Variants in RABGAP1L observed in about 807,000 individuals in gnomAD.
The protein encoded by RABGAP1L is rab GTPase-activating protein 1-like.
In RABGAP1L, 63 loss-of-function variants were observed where a neutral mutation model predicts 137.7. The ratio of observed to expected loss-of-function variants is 0.46; its 90% confidence interval spans 0.37 to 0.56. The LOEUF is 0.56. Ranked by LOEUF, RABGAP1L falls within the 20% of genes least tolerant of loss-of-function variation. The pLI, the probability that RABGAP1L is intolerant of heterozygous loss-of-function variation, is 0.00. For missense variants in RABGAP1L, 1,095 were observed against 1,244.0 expected (o/e 0.88, Z 1.80); for synonymous variants, 431 against 433.7 (o/e 0.99, Z 0.08).
intron 19 of RABGAP1L, among the ~76,000 whole-genome samples, chr1:174,847,623 G>T (rs1168498339): frequency 2.2e-5 from 3 of 133,858 alleles, no homozygotes; most frequent in Admixed American, 7.7e-5. Context: ...GCTTCCCTTT[G>T]AGGGTAACCC....
intron 18 of RABGAP1L, among the ~76,000 whole-genome samples, chr1:174,785,482 G>A (rs545673953): frequency 1.3e-5 from 2 of 152,320 alleles, no homozygotes; most frequent in East Asian, 3.9e-4. Context: ...AGTTATCTTG[G>A]CTTGGTATAT....
At chr1:174,525,364 G>C (rs1227235990) in intron 13 of RABGAP1L, among the ~76,000 whole-genome samples, 1 of 151,552 alleles carries the variant, frequency 6.6e-6, no homozygotes, top group African/African-American at 2.4e-5. Flanking sequence ...TCACCTTCTT[G>C]GTCAAATGTA....
At chr1:174,662,922 A>G (rs868575913) in intron 14 of RABGAP1L, among the ~76,000 whole-genome samples, 68 of 152,364 alleles carry the variant, frequency 4.5e-4, no homozygotes, top group African/African-American at 1.6e-3. Context: ...TAGAACAAGG[A>G]TATAAAGAAA....
At chr1:174,946,917 AAT>A (rs1229002557) in intron 19 of RABGAP1L, among the ~76,000 whole-genome samples, 5 of 59,822 alleles carry the variant, frequency 8.4e-5, no homozygotes, top group South Asian at 6.4e-4. Context: ...AAAAAAAAAA[AAT>A]ATATATATAT....
chr1:174,317,172 A>G (rs1255949646), intron 11 of RABGAP1L, among the ~76,000 whole-genome samples: 1 of 151,878 alleles, frequency 6.6e-6, no homozygotes, highest in African/African-American at 2.4e-5. Context: ...GTGCAAGACA[A>G]AGTCCCCTTT....
intron 1 of RABGAP1L, among the ~76,000 whole-genome samples, chr1:174,162,238 C>T (rs1326373343): frequency 6.6e-6 from 1 of 152,052 alleles, no homozygotes; most frequent in Admixed American, 6.6e-5. Flanking sequence ...ATCAGCTCTC[C>T]AGTTCTAAAT....
At chr1:174,709,973 A>G (rs1680357320) in intron 17 of RABGAP1L, among the ~76,000 whole-genome samples, 1 of 152,198 alleles carries the variant, frequency 6.6e-6, no homozygotes, top group Non-Finnish European at 1.5e-5. Flanking sequence ...AACATAAATG[A>G]CCTGATGGAG....
intron 13 of RABGAP1L, among the ~76,000 whole-genome samples, chr1:174,402,911 A>G (rs1013659857): frequency 6.6e-6 from 1 of 152,170 alleles, no homozygotes; most frequent in African/African-American, 2.4e-5. Context: ...TTTATGTAGC[A>G]TGACAGAACT....
intron 12 of RABGAP1L, among the ~76,000 whole-genome samples, chr1:174,383,255 C>T (rs552184501): frequency 0.014 from 2,074 of 151,136 alleles, 38 homozygotes; most frequent in African/African-American, 0.048. Flanking sequence ...TTGTCTGTGC[C>T]CTGCCCTCAG....
chr1:174,348,493 G>C (rs980973568), intron 11 of RABGAP1L, among the ~76,000 whole-genome samples: 2 of 137,902 alleles, frequency 1.5e-5, no homozygotes, highest in African/African-American at 5.4e-5. Flanking sequence ...TAATTCTTGG[G>C]TGTTTCTCAC....
chr1:174,863,148 C>T (rs1361235396), intron 19 of RABGAP1L, among the ~76,000 whole-genome samples: 1 of 136,808 alleles, frequency 7.3e-6, no homozygotes, highest in Non-Finnish European at 1.5e-5. Flanking sequence ...CCCACCTCGG[C>T]GTCCCAAAGT....
intron 14 of RABGAP1L, among the ~76,000 whole-genome samples, chr1:174,644,135 G>A (rs1194155693): frequency 6.6e-6 from 1 of 151,984 alleles, no homozygotes; most frequent in Non-Finnish European, 1.5e-5. Flanking sequence ...CAACTGAGAA[G>A]ATATAATGTG....
At chr1:174,450,745 T>A (rs1655344118) in intron 13 of RABGAP1L, among the ~76,000 whole-genome samples, 1 of 152,164 alleles carries the variant, frequency 6.6e-6, no homozygotes, top group South Asian at 2.1e-4. Context: ...TAAGTATTAC[T>A]TTTTTACCAT....
chr1:174,453,641 T>A (rs1019173774), intron 13 of RABGAP1L, among the ~76,000 whole-genome samples: 9 of 152,294 alleles, frequency 5.9e-5, no homozygotes, highest in Admixed American at 3.3e-4. Context: ...CTCTTTTCCT[T>A]GAGCAGAAAT....
At chr1:174,614,399 G>T (rs1671585292) in intron 13 of RABGAP1L, among the ~76,000 whole-genome samples, 1 of 152,022 alleles carries the variant, frequency 6.6e-6, no homozygotes, top group African/African-American at 2.4e-5. Context: ...ACTCTCTTCT[G>T]GCTTCCCCCA....
At chr1:174,444,298 C>A (rs1654493628) in intron 13 of RABGAP1L, among the ~76,000 whole-genome samples, 1 of 151,796 alleles carries the variant, frequency 6.6e-6, no homozygotes, top group South Asian at 2.1e-4. Context: ...TTCTTCCAAT[C>A]CATGAACATG....
rs563396375 is a variant in RABGAP1L, at chr1:174,669,247, AACTC to A, written c.1825-14267_1825-14264del. Reference sequence around the variant, plus strand: ...TTATAAAACTATCAGTTCTCATGAGAACTCACTCACTATCATGAGAAAAGCATGG... The same window carrying A: ...TTATAAAACTATCAGTTCTCATGAGAACTCACTATCATGAGAAAAGCATGG... On this transcript the variant is annotated intron_variant, in intron 14 of 25. Transcript: ENST00000681986. Among the ~76,000 whole-genome samples the A allele has an allele frequency of 2.9e-3, 439 of 152,248 alleles. 5 individuals carry two copies. The highest frequency in any genetic ancestry group is 8.8e-3 in the African/African-American group (364 of 41,554).
intron 13 of RABGAP1L, among the ~76,000 whole-genome samples, chr1:174,492,724 C>T (rs984363308): frequency 6.6e-6 from 1 of 152,008 alleles, no homozygotes; most frequent in African/African-American, 2.4e-5. Context: ...CCTATTCCTC[C>T]TCTCTTACAC....
At chr1:174,174,205 C>T (rs1054840192) in intron 1 of RABGAP1L, among the ~76,000 whole-genome samples, 2 of 61,812 alleles carry the variant, frequency 3.2e-5, no homozygotes, top group African/African-American at 6.0e-4. Flanking sequence ...TACACACACA[C>T]ACACACACAC....
Sources: gnomAD v4.1 joint callset for allele counts (sites outside exome capture counted in the v4.1 genomes callset) on GRCh38, gnomAD v4.1.1 for gene constraint, MANE v1.5 for transcripts, NCBI Gene and HGNC (gene_info 2026-07-23, HGNC 2026-07-21) for gene names.